PDZRN4: variants seen among roughly 807,000 people sequenced by gnomAD.
PDZRN4 encodes the protein PDZ domain-containing RING finger protein 4.
PDZRN4 carries 70 observed loss-of-function variants against 99.0 expected under a neutral mutation model. That is an observed-to-expected ratio of 0.71 (90% CI 0.58 to 0.86). PDZRN4 has a LOEUF of 0.86. Among genes scored for constraint, PDZRN4 ranks in the 40% least tolerant of loss-of-function variants. The pLI, the probability that PDZRN4 is intolerant of heterozygous loss-of-function variation, is 0.00. For missense variants in PDZRN4, 1,474 were observed against 1,331.2 expected, an observed-to-expected ratio of 1.11 and a Z score of -1.67; for synonymous variants, 551 against 501.6, an observed-to-expected ratio of 1.10 and a Z score of -1.32.
chr12:41,293,919 C>A (rs1456480077), intron 3 of PDZRN4, among the ~76,000 whole-genome samples: 1 of 152,140 alleles, frequency 6.6e-6, no homozygotes, highest in South Asian at 2.1e-4. Context: ...ATGACCATTA[C>A]AAATAAGCAA....
At chr12:41,456,296 G>A (rs532694294) in intron 3 of PDZRN4, among the ~76,000 whole-genome samples, 1 of 152,174 alleles carries the variant, frequency 6.6e-6, no homozygotes, top group South Asian at 2.1e-4. Context: ...TAAGTTACTT[G>A]AATGTACTTC....
chr12:41,216,840 A>G (rs1485452357), intron 3 of PDZRN4, among the ~76,000 whole-genome samples: 1 of 152,070 alleles, frequency 6.6e-6, no homozygotes, highest in Non-Finnish European at 1.5e-5. Context: ...AATAATCACC[A>G]AATCAACCTG....
chr12:41,344,737 G>GAT (rs1172085029), intron 3 of PDZRN4, among the ~76,000 whole-genome samples: 3 of 147,414 alleles, frequency 2.0e-5, no homozygotes, highest in East Asian at 2.0e-4. Flanking sequence ...TTTGATGTAA[G>GAT]ATATATATAT....
At position 41,188,667 on chromosome 12, in the gene PDZRN4, G is replaced by C. The variant is rs762435801; in HGVS notation, c.212G>C (p.Arg71Pro). 6.4e-7 allele frequency: 1 copy of C among 1,551,548 alleles called. No individual in the cohort carries two copies. The highest frequency in any genetic ancestry group is 1.2e-5 in the South Asian group (1 of 85,280). The change falls in exon 1 of 10, where the codon CGC becomes CCC. Residue 71 changes from arginine to proline, a missense_variant. Physicochemically the swap from Arg to Pro is moderately radical, Grantham distance 103. Transcript: ENST00000402685. ...PGELYRVLPLRSLIQKLRVQC... is the reference protein window; with the variant it reads ...PGELYRVLPLPSLIQKLRVQC... ...GAGCTGTACCGGGTGCTGCCGCTGC[G>C]CAGCCTCATCCAGAAGCTGCGAGTC... is the stretch of plus-strand genomic sequence containing the variant.
chr12:41,533,858 T>C (rs1413356737), intron 5 of PDZRN4, among the ~76,000 whole-genome samples: 4 of 152,196 alleles, frequency 2.6e-5, no homozygotes, highest in Admixed American at 6.5e-5. Flanking sequence ...GCCTCTCTTG[T>C]TTTGCCTTTT....
At chr12:41,253,373 A>T (rs1951183910) in intron 3 of PDZRN4, among the ~76,000 whole-genome samples, 1 of 152,184 alleles carries the variant, frequency 6.6e-6, no homozygotes, top group Non-Finnish European at 1.5e-5. Context: ...TTCTAGTTTC[A>T]TTCTTCTGCA....
At chr12:41,369,825 C>T (rs903893341) in intron 3 of PDZRN4, among the ~76,000 whole-genome samples, 2 of 151,110 alleles carry the variant, frequency 1.3e-5, no homozygotes, top group Non-Finnish European at 3.0e-5. Flanking sequence ...TTTTATTTGC[C>T]CTGTTCTAGC....
intron 3 of PDZRN4, among the ~76,000 whole-genome samples, chr12:41,320,292 T>A (rs866898941): frequency 6.6e-6 from 1 of 152,180 alleles, no homozygotes; most frequent in Non-Finnish European, 1.5e-5. Context: ...TCCTTAGATG[T>A]GCCCCGGGAG....
At chr12:41,309,742 G>A (rs1421794348) in intron 3 of PDZRN4, among the ~76,000 whole-genome samples, 3 of 151,992 alleles carry the variant, frequency 2.0e-5, no homozygotes, top group African/African-American at 4.8e-5. Flanking sequence ...GGCAAAGCTA[G>A]CAGCATCAGG....
At chr12:41,388,072 C>T (rs1952184479) in intron 3 of PDZRN4, among the ~76,000 whole-genome samples, 1 of 152,138 alleles carries the variant, frequency 6.6e-6, no homozygotes, top group Non-Finnish European at 1.5e-5. Context: ...CACATATACA[C>T]CATGGAATAT....
At chr12:41,263,243 C>T (rs2120837234) in intron 3 of PDZRN4, among the ~76,000 whole-genome samples, 1 of 152,172 alleles carries the variant, frequency 6.6e-6, no homozygotes, top group African/African-American at 2.4e-5. Flanking sequence ...CAAAATGTAT[C>T]TTGTATTCAC....
chr12:41,534,483 C>T (rs1938716212), intron 5 of PDZRN4, among the ~76,000 whole-genome samples: 1 of 151,976 alleles, frequency 6.6e-6, no homozygotes, highest in African/African-American at 2.4e-5. Context: ...GTGTGTTGTT[C>T]CCCTCCCTGT....
chr12:41,269,517 C>A (rs969214693), intron 3 of PDZRN4, among the ~76,000 whole-genome samples: 1 of 152,126 alleles, frequency 6.6e-6, no homozygotes, highest in Non-Finnish European at 1.5e-5. Context: ...GAGAAAACAA[C>A]ACTTCTGATC....
intron 3 of PDZRN4, among the ~76,000 whole-genome samples, chr12:41,195,693 A>C (rs1234413961): frequency 6.6e-6 from 1 of 152,262 alleles, no homozygotes; most frequent in Non-Finnish European, 1.5e-5. Flanking sequence ...GTGCAGACCT[A>C]CTTTTGCTGT....
At chr12:41,566,957 T>C (rs1301185841) in intron 8 of PDZRN4, among the ~76,000 whole-genome samples, 1 of 152,182 alleles carries the variant, frequency 6.6e-6, no homozygotes. Context: ...TATTAGATCA[T>C]ATTAGCCAGG....
At chr12:41,345,496 A>G (rs1460313001) in intron 3 of PDZRN4, among the ~76,000 whole-genome samples, 3 of 152,176 alleles carry the variant, frequency 2.0e-5, no homozygotes, top group African/African-American at 4.8e-5. Flanking sequence ...CAGGCAAACA[A>G]TATACAAAGG....
chr12:41,551,543 TA>T (rs1939057027), intron 5 of PDZRN4, among the ~76,000 whole-genome samples: 1 of 152,130 alleles, frequency 6.6e-6, no homozygotes, highest in Non-Finnish European at 1.5e-5. Flanking sequence ...ATTTTTGAAA[TA>T]AAATTAGTCA....
intron 3 of PDZRN4, among the ~76,000 whole-genome samples, chr12:41,467,228 T>C (rs1049158584): frequency 4.6e-5 from 7 of 152,186 alleles, no homozygotes; most frequent in Non-Finnish European, 2.9e-5. Context: ...TTCAACTCAG[T>C]ACATGGTAAT....
At chr12:41,506,813 G>A (rs2120675168) in intron 4 of PDZRN4, 101 bp downstream of exon 4, 1 of 1,317,732 alleles carries the variant, frequency 7.6e-7, no homozygotes, top group East Asian at 2.3e-5. Flanking sequence ...GACAGTTATG[G>A]AGACAGGCTT....
Sources: gnomAD v4.1 joint callset for allele counts (sites outside exome capture counted in the v4.1 genomes callset) on GRCh38, gnomAD v4.1.1 for gene constraint, MANE v1.5 for transcripts, NCBI Gene and HGNC (gene_info 2026-07-23, HGNC 2026-07-21) for gene names.